The following MED12L variants were observed in gnomAD, a reference collection of about 807,000 sequenced individuals.
MED12L encodes mediator complex subunit 12L.
A neutral mutation model predicts 281.3 loss-of-function variants in MED12L; 60 were observed. That is an observed-to-expected ratio of 0.21 (90% CI 0.17 to 0.26). The LOEUF is 0.26. MED12L is among the 10% of genes least tolerant of loss of function. MED12L has a pLI of 1.00. For missense variants in MED12L, 2,146 were observed against 2,680.9 expected, an observed-to-expected ratio of 0.80 and a Z score of 4.41; for synonymous variants, 974 against 987.2, an observed-to-expected ratio of 0.99 and a Z score of 0.25.
chr3:151,388,041 C>A lies in MED12L; in HGVS notation c.5320C>A (p.Pro1774Thr), dbSNP rs1235324797. 1 of 1,613,916 alleles carries A rather than the reference C, an allele frequency of 6.2e-7. No individual in the cohort carries two copies. Among genetic ancestry groups the A allele is most frequent in the Non-Finnish European group, 8.5e-7 (1 of 1,180,014 alleles). ...PLPPEEEEEE[P>T]TSPVSQEPER... ...GCCTCCTGAGGAGGAAGAGGAAGAG[C>A]CCACATCTCCAGTTTCTCAGGAACC... Residue 1774 changes from proline to threonine, a missense_variant, in exon 37 of 45, where the codon CCC becomes ACC. This residue lies in a region of MED12L where 496 missense variants were observed against 512.0 expected (regional missense o/e 0.97). Coordinates refer to ENST00000687756, the MANE Select transcript of MED12L (RefSeq NM_001393769.1).
In MED12L at chr3:151,104,032, A is replaced by G. The variant is rs145342705; in HGVS notation, c.100-12306A>G. ...TGATTTTTTTCTTTTTGCCTGCTCT[A>G]GGTACGGATGTTAAGATAGTATTTG... is the stretch of plus-strand genomic sequence containing the variant. On this transcript the variant is annotated intron_variant, in intron 2 of 44. Coordinates refer to ENST00000687756, the MANE Select transcript of MED12L (RefSeq NM_001393769.1). 2.9e-3 allele frequency among the ~76,000 whole-genome samples: 440 copies of G among 152,290 alleles called. 2 individuals carry two copies. Among genetic ancestry groups the G allele is most frequent in the Non-Finnish European group, 4.5e-3 (307 of 68,022 alleles).
chr3:151,234,167 A>G (rs984712853), intron 16 of MED12L, among the ~76,000 whole-genome samples: 1 of 152,240 alleles, frequency 6.6e-6, no homozygotes, highest in Non-Finnish European at 1.5e-5. Flanking sequence ...TAGCAAAAAT[A>G]TGGAAATAAC....
chr3:151,311,335 A>G (rs866398052), intron 16 of MED12L, among the ~76,000 whole-genome samples: 18 of 149,248 alleles, frequency 1.2e-4, no homozygotes, highest in Admixed American at 5.3e-4. Flanking sequence ...GTGTGTGTGT[A>G]TATATATATA....
In MED12L at chr3:151,411,420, A is replaced by G; in HGVS notation, c.6053A>G (p.Glu2018Gly). 1 of 1,614,164 alleles carries G rather than the reference A, an allele frequency of 6.2e-7. No individual in the cohort carries two copies. Among genetic ancestry groups the G allele is most frequent in the Non-Finnish European group, 8.5e-7 (1 of 1,180,024 alleles). ...PAAHSNPVLMERLRQIQQQPS... is the reference protein window; with the variant it reads ...PAAHSNPVLMGRLRQIQQQPS... ...GCACATTCCAACCCCGTGCTAATGGAAAGACTCAGACAGATTCAGCAGCAG... is the reference window on the plus strand; with the variant it reads ...GCACATTCCAACCCCGTGCTAATGGGAAGACTCAGACAGATTCAGCAGCAG... Residue 2018 changes from glutamate to glycine, a missense_variant, in exon 41 of 45, where the codon GAA becomes GGA. Physicochemically the swap from Glu to Gly is moderately conservative, Grantham distance 98. This residue lies in a region of MED12L where 496 missense variants were observed against 512.0 expected (regional missense o/e 0.97). Transcript: ENST00000687756.
intron 16 of MED12L, chr3:151,327,923 T>G: frequency 8.7e-7 from 1 of 1,151,052 alleles, no homozygotes; most frequent in Non-Finnish European, 1.2e-6. Context: ...TTTTCTTGGT[T>G]AAATTTGATT....
At chr3:151,126,926 A>AG (rs1301156581) in intron 4 of MED12L, among the ~76,000 whole-genome samples, 1 of 152,176 alleles carries the variant, frequency 6.6e-6, no homozygotes, top group Non-Finnish European at 1.5e-5. Context: ...TTCATTCAGG[A>AG]GTGGAGTACA....
At chr3:151,242,807 C>A (rs1734486768) in intron 16 of MED12L, among the ~76,000 whole-genome samples, 1 of 151,628 alleles carries the variant, frequency 6.6e-6, no homozygotes, top group South Asian at 2.1e-4. Context: ...TTCAGACGAT[C>A]AAATTACTCT....
At chr3:151,339,896 T>A (rs1751585944) in intron 16 of MED12L, among the ~76,000 whole-genome samples, 5 of 152,170 alleles carry the variant, frequency 3.3e-5, no homozygotes, top group Admixed American at 3.3e-4. Context: ...TGAAATTGAT[T>A]CTATATAAAA....
chr3:151,284,532 C>T (rs1743212879), intron 16 of MED12L, among the ~76,000 whole-genome samples: 3 of 152,260 alleles, frequency 2.0e-5, no homozygotes, highest in East Asian at 3.9e-4. Flanking sequence ...TATTCTTAGG[C>T]TATTATGTGT....
intron 44 of MED12L, 141 bp downstream of exon 44, chr3:151,430,521 T>G: frequency 7.5e-7 from 1 of 1,328,868 alleles, no homozygotes. Context: ...GCCCAAGGTA[T>G]TTTCATTCTG....
At chr3:151,197,203 G>T (rs1422477266) in intron 16 of MED12L, among the ~76,000 whole-genome samples, 1 of 151,804 alleles carries the variant, frequency 6.6e-6, no homozygotes, top group African/African-American at 2.4e-5. Context: ...CGCTCTTTTT[G>T]CCCAGGCCGG....
intron 21 of MED12L, among the ~76,000 whole-genome samples, chr3:151,364,013 A>G (rs1754966163): frequency 6.6e-6 from 1 of 152,182 alleles, no homozygotes; most frequent in Non-Finnish European, 1.5e-5. Flanking sequence ...TTTAAAAAAA[A>G]AGCCATAGGT....
chr3:151,287,687 G>T (rs773026335), intron 16 of MED12L, among the ~76,000 whole-genome samples: 18 of 152,096 alleles, frequency 1.2e-4, no homozygotes, highest in Non-Finnish European at 2.4e-4. Context: ...ACTATATAAG[G>T]TTCTTGTGGC....
intron 16 of MED12L, among the ~76,000 whole-genome samples, chr3:151,347,730 A>T (rs1752705576): frequency 6.6e-6 from 1 of 152,210 alleles, no homozygotes; most frequent in Non-Finnish European, 1.5e-5. Context: ...GTGAATTAAC[A>T]GTAGTGAACA....
Position 151,180,333 on chromosome 3 carries a change from G to A in MED12L, c.1495-4997G>A, listed in dbSNP as rs146588839. Among the ~76,000 whole-genome samples the A allele has an allele frequency of 1.5e-4, 23 of 152,302 alleles. No individual in the cohort carries two copies. The East Asian group carries it at 4.2e-3, about 28-fold the overall frequency. On this transcript the variant is annotated intron_variant, in intron 11 of 44. Coordinates refer to ENST00000687756, the MANE Select transcript of MED12L (RefSeq NM_001393769.1). ...GGACAGATGTATGCTCCCCTCCCAG[G>A]AGATACCGAAGGGGTGGAAGGCTAG...
chr3:151,243,284 C>A (rs377679662), intron 16 of MED12L, among the ~76,000 whole-genome samples: 2 of 151,032 alleles, frequency 1.3e-5, no homozygotes, highest in South Asian at 4.2e-4. Flanking sequence ...AGATACTCCT[C>A]GAGAAGAGCA....
intron 16 of MED12L, among the ~76,000 whole-genome samples, chr3:151,257,484 C>T (rs908336400): frequency 6.6e-6 from 1 of 152,250 alleles, no homozygotes; most frequent in African/African-American, 2.4e-5. Context: ...CTTAACCTCT[C>T]TGTGCTTCAG....
At chr3:151,104,108 C>T (rs543139821) in intron 2 of MED12L, among the ~76,000 whole-genome samples, 35 of 152,040 alleles carry the variant, frequency 2.3e-4, no homozygotes, top group Non-Finnish European at 3.4e-4. Flanking sequence ...CCCCACAGTT[C>T]GTGATTGATG....
At chr3:151,227,989 A>AC (rs1220155604) in intron 16 of MED12L, among the ~76,000 whole-genome samples, 2 of 152,172 alleles carry the variant, frequency 1.3e-5, no homozygotes, top group Non-Finnish European at 2.9e-5. Context: ...CACTGGAATG[A>AC]CCCCTTAATG....
Sources: gnomAD v4.1 joint callset for allele counts (sites outside exome capture counted in the v4.1 genomes callset) on GRCh38, gnomAD v4.1.1 for gene constraint, gnomAD v4.1.1 regional missense constraint, MANE v1.5 for transcripts, NCBI Gene and HGNC (gene_info 2026-07-23, HGNC 2026-07-21) for gene names.